NUP98: variants seen among roughly 807,000 people sequenced by gnomAD.
The protein encoded by NUP98 is nuclear pore complex protein Nup98-Nup96.
Under a neutral mutation model 191.9 loss-of-function variants are expected in NUP98, and 26 were observed. The ratio of observed to expected loss-of-function variants is 0.14; its 90% confidence interval spans 0.10 to 0.19. The LOEUF (loss-of-function observed/expected upper bound fraction) is 0.19, where lower values mean the gene tolerates loss of function less well. NUP98 is among the 10% of genes least tolerant of loss of function. NUP98 has a pLI of 1.00. For missense variants in NUP98, 1,941 were observed against 2,178.8 expected (o/e 0.89, Z 2.17); for synonymous variants, 808 against 778.4 (o/e 1.04, Z -0.63).
chr11:3,733,989 A>G (rs1176164889), intron 13 of NUP98, among the ~76,000 whole-genome samples: 1 of 152,084 alleles, frequency 6.6e-6, no homozygotes, highest in Non-Finnish European at 1.5e-5. Flanking sequence ...TCTTGCTTCT[A>G]GTATCTAGTT....
rs757324661 is a variant in NUP98 at position 3,762,964 on chromosome 11, C to G, written c.1024G>C (p.Ala342Pro). 6.2e-7 allele frequency: 1 copy of G among 1,614,026 alleles called. No individual in the cohort carries two copies. Among genetic ancestry groups the G allele is most frequent in the African/African-American group, 1.3e-5 (1 of 74,902 alleles). ...AAGAGACCTGTTCCTGTTCCAAATG[C>G]TGTCCCAGTGCTGGTGTTTGTAGCT... ...GTATNTSTGT[A>P]FGTGTGLFGQ... The change falls in exon 9 of 33, where the codon GCA becomes CCA. Residue 342 changes from alanine (A) to proline (P), a missense_variant. Transcript: ENST00000324932.
At chr11:3,750,623 G>GTT (rs199629209) in intron 11 of NUP98, among the ~76,000 whole-genome samples, 10 of 148,402 alleles carry the variant, frequency 6.7e-5, no homozygotes, top group Admixed American at 6.8e-5. Context: ...CATTTTAAAT[G>GTT]TTTTTTTTTT....
At chr11:3,757,480 C>T (rs2081010571) in intron 10 of NUP98, among the ~76,000 whole-genome samples, 1 of 149,556 alleles carries the variant, frequency 6.7e-6, no homozygotes, top group Non-Finnish European at 1.5e-5. Context: ...GAGATCCTGT[C>T]TCCCCAAAAA....
chr11:3,691,816 A>T (rs1293850796), intron 27 of NUP98, among the ~76,000 whole-genome samples: 1 of 152,168 alleles, frequency 6.6e-6, no homozygotes, highest in Admixed American at 6.5e-5. Flanking sequence ...AGCCTCCCAA[A>T]GTGCTGGGAT....
chr11:3,708,647 T>C (rs780939263), intron 20 of NUP98, among the ~76,000 whole-genome samples: 3 of 151,416 alleles, frequency 2.0e-5, no homozygotes, highest in Admixed American at 2.0e-4. Context: ...CCCAAAGCTG[T>C]CTGTGTACTT....
chr11:3,746,918 A>AG (rs2080527864), intron 11 of NUP98, among the ~76,000 whole-genome samples: 1 of 152,126 alleles, frequency 6.6e-6, no homozygotes, highest in East Asian at 1.9e-4. Context: ...AGTCTCAAAA[A>AG]AAAAAAAAAA....
chr11:3,756,551 T>C (rs1589890496), intron 10 of NUP98, among the ~76,000 whole-genome samples: 2 of 152,014 alleles, frequency 1.3e-5, no homozygotes, highest in East Asian at 2.0e-4. Flanking sequence ...GCCTCCCGAG[T>C]AGCTGGGATT....
At chr11:3,772,811 T>A (rs1186532099) in intron 6 of NUP98, among the ~76,000 whole-genome samples, 2 of 77,080 alleles carry the variant, frequency 2.6e-5, no homozygotes, top group Non-Finnish European at 5.2e-5. Flanking sequence ...AAGACTCGTC[T>A]CAAAAAAAAA....
At chr11:3,760,027 G>A (rs1239367921) in intron 10 of NUP98, 1 of 147,974 alleles carries the variant, frequency 6.8e-6, no homozygotes, top group African/African-American at 2.6e-5. Flanking sequence ...CTTTCACTAA[G>A]AATAACCAGG....
At chr11:3,791,388 G>C (rs898416323) in intron 1 of NUP98, among the ~76,000 whole-genome samples, 5 of 151,506 alleles carry the variant, frequency 3.3e-5, no homozygotes, top group Admixed American at 3.3e-4. Flanking sequence ...CAAAAAATTA[G>C]CCAGGCATGG....
chr11:3,791,062 A>AT (rs1222237454), intron 1 of NUP98, among the ~76,000 whole-genome samples: 1 of 151,770 alleles, frequency 6.6e-6, no homozygotes, highest in Non-Finnish European at 1.5e-5. Flanking sequence ...CGCCCAGCTA[A>AT]TTTTTTGTAT....
chr11:3,717,688 C>CA (rs1218897647), intron 18 of NUP98, among the ~76,000 whole-genome samples: 1 of 152,094 alleles, frequency 6.6e-6, no homozygotes, highest in Non-Finnish European at 1.5e-5. Flanking sequence ...TTGCTCTGAC[C>CA]AGGACTTGCA....
intron 18 of NUP98, among the ~76,000 whole-genome samples, chr11:3,717,075 A>G (rs944674980): frequency 6.6e-6 from 1 of 151,882 alleles, no homozygotes; most frequent in African/African-American, 2.4e-5. Context: ...GTAATCTGCA[A>G]CCTCCGCCTC....
intron 23 of NUP98, among the ~76,000 whole-genome samples, chr11:3,702,004 G>T (rs927364248): frequency 6.6e-6 from 1 of 151,724 alleles, no homozygotes; most frequent in African/African-American, 2.4e-5. Context: ...TAAAAATGAA[G>T]GATAGGCTGG....
chr11:3,705,311 C>T lies in NUP98; in HGVS notation c.2971G>A (p.Ala991Thr), dbSNP rs1387643474. The change falls in exon 22 of 33, where the codon GCA (alanine) becomes ACA (threonine). Residue 991 changes from alanine (A) to threonine (T), a missense_variant. Transcript: ENST00000324932. The stretch of plus-strand genomic sequence containing the variant: ...AGGCGACTGAAGCGTTGATCCAGTG[C>T]CATATCTACATCTTCTTCATCAGTA... ...LLTDEEDVDM[A>T]LDQRFSRLPS... is the part of the protein sequence containing the mutation. The T allele has an allele frequency of 2.5e-6, 4 of 1,614,080 alleles. No individual in the cohort carries two copies. Among genetic ancestry groups the T allele is most frequent in the Non-Finnish European group, 3.4e-6 (4 of 1,179,968 alleles).
chr11:3,757,498 A>G (rs374689694), intron 10 of NUP98, among the ~76,000 whole-genome samples: 4 of 150,466 alleles, frequency 2.7e-5, no homozygotes, highest in South Asian at 4.2e-4. Context: ...AAAACAAACA[A>G]AACAAAACAA....
intron 12 of NUP98, 71 bp downstream of exon 12, chr11:3,744,438 A>G: frequency 6.8e-7 from 1 of 1,476,934 alleles, no homozygotes; most frequent in Non-Finnish European, 9.2e-7. Flanking sequence ...GGACAGGTGT[A>G]GGATGGAAAA....
intron 22 of NUP98, 61 bp from the exon 23 acceptor site, chr11:3,702,953 T>A: frequency 7.4e-7 from 1 of 1,349,944 alleles, no homozygotes; most frequent in Non-Finnish European, 1.0e-6. Context: ...TATTGTTTCT[T>A]GAACAATAAC....
At chr11:3,681,049 C>T (rs915262870) in intron 30 of NUP98, among the ~76,000 whole-genome samples, 1 of 152,010 alleles carries the variant, frequency 6.6e-6, no homozygotes, top group African/African-American at 2.4e-5. Flanking sequence ...CCTCTCCCAC[C>T]ATCCGCCCCA....
Sources: allele counts gnomAD v4.1 joint callset (sites outside exome capture counted in the v4.1 genomes callset), GRCh38; gene constraint gnomAD v4.1.1; transcripts MANE v1.5; gene names NCBI Gene and HGNC (gene_info 2026-07-23, HGNC 2026-07-21).